GSE1: variants seen among roughly 807,000 people sequenced by gnomAD.
The protein encoded by GSE1 is Gse1 coiled-coil protein.
In GSE1, 32 loss-of-function variants were observed where a neutral mutation model predicts 112.6. The observed-to-expected ratio is 0.28, with a 90% CI of 0.21 to 0.38. The LOEUF is 0.38. GSE1 is among the 10% of genes least tolerant of loss of function. The probability of loss-of-function intolerance (pLI) is 1.00; values close to 1 mark genes in which losing one functional copy is unlikely to be tolerated. For missense variants in GSE1, 2,348 were observed against 1,699.2 expected (o/e 1.38, Z -6.71); for synonymous variants, 1,115 against 735.6 (o/e 1.52, Z -8.35).
At chr16:85,578,904 CCTCAA>C (rs1315569227) in intron 1 of GSE1, among the ~76,000 whole-genome samples, 6 of 151,818 alleles carry the variant, frequency 4.0e-5, no homozygotes, top group African/African-American at 1.5e-4. Flanking sequence ...TACTGCGTCT[CCTCAA>C]CTGGACTGTA....
chr16:85,340,713 C>A (rs1182410400), intron 1 of GSE1, among the ~76,000 whole-genome samples: 1 of 152,182 alleles, frequency 6.6e-6, no homozygotes, highest in Admixed American at 6.5e-5. Context: ...GTGTGTGGTG[C>A]GTTCCTAGCT....
At chr16:85,524,808 C>A (rs924707985) in intron 2 of GSE1, among the ~76,000 whole-genome samples, 2 of 152,162 alleles carry the variant, frequency 1.3e-5, no homozygotes, top group Non-Finnish European at 2.9e-5. Context: ...AGGACATTTA[C>A]ACCCTAGGGA....
intron 2 of GSE1, among the ~76,000 whole-genome samples, chr16:85,548,566 A>G (rs976269063): frequency 1.4e-4 from 21 of 152,110 alleles, no homozygotes; most frequent in Non-Finnish European, 2.8e-4. Flanking sequence ...GTTGCTGCAA[A>G]TGACAGGGTT....
At chr16:85,187,397 C>A (rs904248247) in intron 1 of GSE1, among the ~76,000 whole-genome samples, 3 of 152,220 alleles carry the variant, frequency 2.0e-5, no homozygotes, top group African/African-American at 4.8e-5. Context: ...CACCGGGGCC[C>A]CCGCTTCCTG....
Position 85,419,045 on chromosome 16 carries a change from C to A in GSE1, c.2464+61402C>A, listed in dbSNP as rs553641283. On this transcript the variant is annotated intron_variant, in intron 2 of 2. Transcript: ENST00000637419. The surrounding 1 kb of genome is among the most constrained non-coding windows in gnomAD (Gnocchi z 6.5). ...AGACACTGTGCGGAGATCCAACTGGCAGTTGGATATTTGAGTCTGGAGCTA... is the reference window on the plus strand; with the variant it reads ...AGACACTGTGCGGAGATCCAACTGGAAGTTGGATATTTGAGTCTGGAGCTA... Among the ~76,000 whole-genome samples the A allele has an allele frequency of 6.6e-6, 1 of 152,170 alleles. No homozygotes were observed. The highest frequency in any genetic ancestry group is 2.4e-5 in the African/African-American group (1 of 41,494).
intron 1 of GSE1, among the ~76,000 whole-genome samples, chr16:85,216,717 T>C (rs2075311628): frequency 6.6e-6 from 1 of 152,182 alleles, no homozygotes; most frequent in Admixed American, 6.5e-5. Flanking sequence ...GCTGTGGGAC[T>C]CCCAGCACCT....
rs2048778394 is a variant in GSE1, at chr16:85,419,494, T to C, written c.2464+61851T>C. Among the ~76,000 whole-genome samples, 1 of 151,684 alleles carries C rather than the reference T, an allele frequency of 6.6e-6. No homozygotes were observed. Among genetic ancestry groups the C allele is most frequent in the Non-Finnish European group, 1.5e-5 (1 of 67,948 alleles). ...GGTGGTGCACATCTGTGGTCCTAGCTACTCGGGAGGCTGAGGTGGGAGGAT... is the reference window on the plus strand; with the variant it reads ...GGTGGTGCACATCTGTGGTCCTAGCCACTCGGGAGGCTGAGGTGGGAGGAT... On this transcript the variant is annotated intron_variant, in intron 2 of 2. Transcript: ENST00000637419. The surrounding 1 kb of genome is among the most constrained non-coding windows in gnomAD (Gnocchi z 6.5).
At chr16:85,637,685 A>C (rs1260527652) in intron 2 of GSE1, among the ~76,000 whole-genome samples, 1 of 151,832 alleles carries the variant, frequency 6.6e-6, no homozygotes, top group African/African-American at 2.4e-5. Context: ...GGGGAATTCC[A>C]ATCCCCAGCT....
intron 2 of GSE1, among the ~76,000 whole-genome samples, chr16:85,493,692 G>C (rs1208904060): frequency 4.0e-5 from 6 of 151,198 alleles, no homozygotes; most frequent in Non-Finnish European, 8.8e-5. Flanking sequence ...GGCGGAGGTG[G>C]AGGTGGAGAA....
rs149661718 is a variant in GSE1, at chr16:85,458,137, G to A, written c.2464+100494G>A. 1.6e-3 allele frequency among the ~76,000 whole-genome samples: 248 copies of A among 152,280 alleles called. 1 individual carries two copies. The highest frequency in any genetic ancestry group is 5.7e-3 in the African/African-American group (238 of 41,568). ...CCTCAGAGGCCCCTCTGCAGCACCA[G>A]CCGGCACTGACCTGGCCTCCCAGCA... On this transcript the variant is annotated intron_variant, in intron 2 of 2. Transcript: ENST00000637419.
chr16:85,456,032 G>T (rs921358255), intron 2 of GSE1, among the ~76,000 whole-genome samples: 2 of 152,216 alleles, frequency 1.3e-5, no homozygotes, highest in African/African-American at 4.8e-5. Context: ...ATACCCAGTT[G>T]TAAGTAACAG....
intron 1 of GSE1, among the ~76,000 whole-genome samples, chr16:85,585,205 C>A (rs1049738826): frequency 1.3e-5 from 2 of 152,242 alleles, no homozygotes; most frequent in Admixed American, 6.5e-5. Context: ...CTGCAGGAAC[C>A]CCTGCTGCAG....
At chr16:85,663,302 T>C (rs2052582623) in intron 10 of GSE1, 42 bp from the exon 11 acceptor site, 1 of 1,607,280 alleles carries the variant, frequency 6.2e-7, no homozygotes, top group African/African-American at 1.3e-5. Flanking sequence ...AGCATACCAC[T>C]GCCAGTGGCT....
At position 85,672,399 on chromosome 16, in the gene GSE1, C is replaced by T; in HGVS notation, c.3520-6C>T. The T allele has an allele frequency of 6.2e-7, 1 of 1,609,320 alleles. No individual in the cohort carries two copies. Among genetic ancestry groups the T allele is most frequent in the Non-Finnish European group, 8.5e-7 (1 of 1,176,182 alleles). On this transcript the variant is annotated splice_polypyrimidine_tract_variant and splice_region_variant and intron_variant, in intron 15 of 15. Coordinates refer to ENST00000253458, the MANE Select transcript of GSE1 (RefSeq NM_014615.5). ...TTGGTTTTGACACAAATTTCCCTCT[C>T]TCCAGGAGTTGAGGAGCCAGAAACA...
intron 1 of GSE1, among the ~76,000 whole-genome samples, chr16:85,631,243 G>C (rs1326442462): frequency 1.3e-5 from 2 of 152,238 alleles, no homozygotes; most frequent in Non-Finnish European, 2.9e-5. Context: ...GTGACAGATA[G>C]GACCCGGAGG....
chr16:85,655,318 G>A (rs1056543439), intron 5 of GSE1, among the ~76,000 whole-genome samples: 4 of 151,954 alleles, frequency 2.6e-5, no homozygotes, highest in Non-Finnish European at 5.9e-5. Context: ...TGTGTAGCAG[G>A]AGACCTCGGT....
rs114270158 is a variant in GSE1 at position 85,298,317 on chromosome 16, C to T, written c.2284-59146C>T. 4.4e-3 allele frequency among the ~76,000 whole-genome samples: 667 copies of T among 152,308 alleles called. 3 individuals carry two copies. Among genetic ancestry groups the T allele is most frequent in the African/African-American group, 0.015 (626 of 41,568 alleles). The stretch of plus-strand genomic sequence containing the variant: ...CAAATTTGACATATCCAAGAAGAAG[C>T]GCTTTATCTCCACCTCCTTCTTAAA... On this transcript the variant is annotated intron_variant, in intron 1 of 2. Coordinates refer to the GSE1 transcript ENST00000637419.
At chr16:85,228,616 C>T (rs1390591973) in intron 1 of GSE1, among the ~76,000 whole-genome samples, 1 of 152,206 alleles carries the variant, frequency 6.6e-6, no homozygotes, top group African/African-American at 2.4e-5. Flanking sequence ...GCAGTACAGT[C>T]CCTGCCTGCA....
intron 1 of GSE1, among the ~76,000 whole-genome samples, chr16:85,331,755 C>T (rs1375740686): frequency 7.1e-6 from 1 of 141,576 alleles, no homozygotes; most frequent in African/African-American, 2.6e-5. Flanking sequence ...ACCACGTTGC[C>T]CAGGCTGGTC....
Sources: allele counts gnomAD v4.1 joint callset (sites outside exome capture counted in the v4.1 genomes callset), GRCh38; gene constraint gnomAD v4.1.1; non-coding constraint Gnocchi (gnomAD v3.1); transcripts MANE v1.5; gene names NCBI Gene and HGNC (gene_info 2026-07-23, HGNC 2026-07-21).